The following AGBL4 variants were observed in gnomAD, a reference collection of about 807,000 sequenced individuals.
The protein encoded by AGBL4 is AGBL carboxypeptidase 4, also known as cytosolic carboxypeptidase 6.
AGBL4 carries 58 observed loss-of-function variants against 66.4 expected under a neutral mutation model. That is an observed-to-expected ratio of 0.87 (90% CI 0.71 to 1.09). The LOEUF is 1.09. AGBL4 is among the 50% of genes least tolerant of loss of function. The pLI is 0.00. For synonymous variants in AGBL4, 234 were observed against 222.9 expected, an observed-to-expected ratio of 1.05 and a Z score of -0.44; for missense variants, 579 against 631.0, an observed-to-expected ratio of 0.92 and a Z score of 0.88.
At chr1:48,806,252 A>C (rs964031315) in intron 6 of AGBL4, among the ~76,000 whole-genome samples, 8 of 152,100 alleles carry the variant, frequency 5.3e-5, no homozygotes, top group Non-Finnish European at 1.2e-4. Context: ...GCCCTGTACT[A>C]AGTCAATTCT....
intron 1 of AGBL4, among the ~76,000 whole-genome samples, chr1:50,005,392 G>T (rs1183002928): frequency 6.6e-6 from 1 of 152,088 alleles, no homozygotes; most frequent in Non-Finnish European, 1.5e-5. Context: ...CAACCAAGAT[G>T]GTACCTATTA....
chr1:48,722,777 G>T (rs925902665), intron 6 of AGBL4, among the ~76,000 whole-genome samples: 37 of 152,152 alleles, frequency 2.4e-4, no homozygotes, highest in Admixed American at 1.0e-3. Context: ...AGTAAGAGGT[G>T]ACATCTTGCT....
chr1:48,551,370 T>A (rs1300756715), intron 11 of AGBL4, among the ~76,000 whole-genome samples: 2 of 152,208 alleles, frequency 1.3e-5, no homozygotes, highest in East Asian at 1.9e-4. Context: ...ATTATTGCAT[T>A]GATTAGAAAT....
chr1:48,865,357 C>T (rs1354585975), intron 6 of AGBL4, among the ~76,000 whole-genome samples: 1 of 152,168 alleles, frequency 6.6e-6, no homozygotes, highest in Non-Finnish European at 1.5e-5. Context: ...ACCTAGGGGG[C>T]TTCAGTTGCG....
intron 5 of AGBL4, among the ~76,000 whole-genome samples, chr1:48,988,347 G>A (rs762208248): frequency 6.6e-6 from 1 of 152,118 alleles, no homozygotes; most frequent in Non-Finnish European, 1.5e-5. Context: ...TGGGGATTGT[G>A]TTTGACTTCT....
intron 4 of AGBL4, among the ~76,000 whole-genome samples, chr1:49,176,450 G>A (rs1358841150): frequency 6.6e-6 from 1 of 152,082 alleles, no homozygotes; most frequent in African/African-American, 2.4e-5. Context: ...GAAAATCAAT[G>A]GCACATGTAG....
chr1:49,717,324 C>A (rs527445584), intron 2 of AGBL4, among the ~76,000 whole-genome samples: 93 of 152,132 alleles, frequency 6.1e-4, no homozygotes, highest in African/African-American at 1.8e-3. Context: ...CAAGCTACCA[C>A]TGACTTTTTA....
intron 4 of AGBL4, among the ~76,000 whole-genome samples, chr1:49,135,522 C>T (rs952289312): frequency 4.6e-5 from 7 of 152,026 alleles, no homozygotes; most frequent in African/African-American, 7.2e-5. Context: ...CAGAGATTTA[C>T]CCACATGTTT....
intron 3 of AGBL4, among the ~76,000 whole-genome samples, chr1:49,602,804 T>C (rs1189995818): frequency 6.7e-6 from 1 of 148,766 alleles, no homozygotes; most frequent in Non-Finnish European, 1.5e-5. Flanking sequence ...TGCACATATA[T>C]CCCAGAACTT....
intron 1 of AGBL4, among the ~76,000 whole-genome samples, chr1:49,868,804 A>G (rs1466554389): frequency 6.6e-6 from 1 of 152,208 alleles, no homozygotes; most frequent in Non-Finnish European, 1.5e-5. Flanking sequence ...ACAAATTATC[A>G]TCAGAATGAA....
At chr1:49,250,971 T>G (rs1652013086) in intron 3 of AGBL4, among the ~76,000 whole-genome samples, 2 of 152,158 alleles carry the variant, frequency 1.3e-5, no homozygotes, top group South Asian at 4.1e-4. Context: ...ACCATCCCCC[T>G]AGGCTTGACT....
chr1:49,177,398 C>T (rs1377575456), intron 4 of AGBL4, among the ~76,000 whole-genome samples: 1 of 152,090 alleles, frequency 6.6e-6, no homozygotes, highest in Non-Finnish European at 1.5e-5. Flanking sequence ...ATCATAATCC[C>T]CAAGGAACAA....
chr1:49,334,926 C>CT (rs1208733192), intron 3 of AGBL4, among the ~76,000 whole-genome samples: 1 of 152,168 alleles, frequency 6.6e-6, no homozygotes, highest in East Asian at 1.9e-4. Context: ...CAGTTTGAAG[C>CT]TAGGGAAGGC....
intron 6 of AGBL4, among the ~76,000 whole-genome samples, chr1:48,719,136 C>G (rs1396099210): frequency 5.3e-5 from 8 of 152,180 alleles, no homozygotes; most frequent in Non-Finnish European, 1.2e-4. Context: ...AAAGACCTGA[C>G]AGAGACATGT....
At chr1:49,510,012 G>T (rs1649062643) in intron 3 of AGBL4, among the ~76,000 whole-genome samples, 1 of 151,968 alleles carries the variant, frequency 6.6e-6, no homozygotes. Flanking sequence ...ATTGTACATT[G>T]TCAGTGAAGG....
chr1:49,751,569 T>C (rs1651469860), intron 2 of AGBL4, among the ~76,000 whole-genome samples: 1 of 152,196 alleles, frequency 6.6e-6, no homozygotes, highest in Admixed American at 6.5e-5. Context: ...TACCAGGTTT[T>C]AGTATCAGAA....
At chr1:48,529,998 GT>G (rs966112259), downstream of AGBL4, among the ~76,000 whole-genome samples, 1 of 152,136 alleles carries the variant, frequency 6.6e-6, no homozygotes, top group African/African-American at 2.4e-5. Context: ...TTCCCAGCCT[GT>G]AAACTTAACA....
At chr1:49,639,485 A>G (rs528342750) in intron 3 of AGBL4, among the ~76,000 whole-genome samples, 13 of 152,336 alleles carry the variant, frequency 8.5e-5, no homozygotes, top group Admixed American at 5.9e-4. Flanking sequence ...TCCTATTTAC[A>G]AATAAGGAAC....
chr1:48,954,055 T>C (rs1460814580), intron 5 of AGBL4, among the ~76,000 whole-genome samples: 1 of 152,222 alleles, frequency 6.6e-6, no homozygotes, highest in Non-Finnish European at 1.5e-5. Context: ...TAGTAGTGCC[T>C]GCTAGGCCAC....
Sources: gnomAD v4.1 joint callset for allele counts (sites outside exome capture counted in the v4.1 genomes callset) on GRCh38, gnomAD v4.1.1 for gene constraint, MANE v1.5 for transcripts, NCBI Gene and HGNC (gene_info 2026-07-23, HGNC 2026-07-21) for gene names.